PRELID2: variants seen among roughly 807,000 people sequenced by gnomAD.
PRELID2 encodes the protein PRELI domain-containing protein 2.
In PRELID2, 25 loss-of-function variants were observed where a neutral mutation model predicts 28.4. The ratio of observed to expected loss-of-function variants is 0.88; its 90% CI spans 0.64 to 1.23. The LOEUF is 1.23. PRELID2 is among the 50% of genes most tolerant of loss of function. The pLI, the probability that PRELID2 is intolerant of heterozygous loss-of-function variation, is 0.00. For missense variants in PRELID2, 201 were observed against 214.4 expected (o/e 0.94, Z 0.39); for synonymous variants, 76 against 71.6 (o/e 1.06, Z -0.31).
intron 1 of PRELID2, among the ~76,000 whole-genome samples, chr5:145,591,853 A>T (rs1217201331): frequency 6.6e-6 from 1 of 152,188 alleles, no homozygotes; most frequent in African/African-American, 2.4e-5. Context: ...TCTGAAATAA[A>T]AATGAAACTT....
At chr5:145,616,769 G>T (rs1484469909) in intron 1 of PRELID2, among the ~76,000 whole-genome samples, 1 of 152,198 alleles carries the variant, frequency 6.6e-6, no homozygotes, top group East Asian at 1.9e-4. Flanking sequence ...GGCAGGCATT[G>T]TCATTGATAA....
the PRELID2 span, among the ~76,000 whole-genome samples, chr5:145,344,535 T>A: frequency 6.6e-6 from 1 of 152,090 alleles, no homozygotes. Flanking sequence ...TAGTAAATAT[T>A]TTGCCTATAT....
chr5:145,651,973 T>C (rs1754306133), intron 1 of PRELID2, among the ~76,000 whole-genome samples: 1 of 152,172 alleles, frequency 6.6e-6, no homozygotes, highest in Admixed American at 6.5e-5. Flanking sequence ...AGGAGGAAGT[T>C]TGAACCCATC....
At chr5:145,294,845 C>T in the PRELID2 span, among the ~76,000 whole-genome samples, 2 of 152,080 alleles carry the variant, frequency 1.3e-5, no homozygotes, top group African/African-American at 2.4e-5. Flanking sequence ...GGGGATACCA[C>T]TAAACTATAC....
the PRELID2 span, among the ~76,000 whole-genome samples, chr5:145,291,581 GT>G: frequency 6.6e-6 from 1 of 152,092 alleles, no homozygotes; most frequent in Non-Finnish European, 1.5e-5. Flanking sequence ...AAGCCACTTG[GT>G]TTGTGATGCT....
At chr5:145,480,776 T>G (rs889920358) in intron 1 of PRELID2, among the ~76,000 whole-genome samples, 1 of 152,188 alleles carries the variant, frequency 6.6e-6, no homozygotes, top group African/African-American at 2.4e-5. Context: ...AAAATTTGCT[T>G]TCATAAAATT....
chr5:145,513,944 C>T (rs1178055169), intron 1 of PRELID2, among the ~76,000 whole-genome samples: 1 of 152,070 alleles, frequency 6.6e-6, no homozygotes, highest in African/African-American at 2.4e-5. Flanking sequence ...CAGGCAAATG[C>T]TAAGAGATTT....
intron 1 of PRELID2, among the ~76,000 whole-genome samples, chr5:145,595,025 G>A (rs1341009241): frequency 6.6e-6 from 1 of 152,098 alleles, no homozygotes; most frequent in East Asian, 1.9e-4. Context: ...CTACTCAGGT[G>A]GCTGAGGCAG....
At chr5:145,478,382 C>G (rs751776713) in intron 1 of PRELID2, among the ~76,000 whole-genome samples, 7 of 151,952 alleles carry the variant, frequency 4.6e-5, no homozygotes, top group Non-Finnish European at 1.0e-4. Context: ...CCCGTCTCTA[C>G]TAAAAGTACA....
chr5:145,365,833 T>C, the PRELID2 span, among the ~76,000 whole-genome samples: 2 of 151,732 alleles, frequency 1.3e-5, no homozygotes, highest in Non-Finnish European at 2.9e-5. Context: ...CCCCTAAAAA[T>C]CCACAGGGCA....
chr5:145,230,398 C>T, the PRELID2 span, among the ~76,000 whole-genome samples: 16 of 152,016 alleles, frequency 1.1e-4, no homozygotes, highest in Non-Finnish European at 2.1e-4. Context: ...ATGGTAAAAC[C>T]CTGTCTCTAC....
At chr5:145,638,899 T>C (rs1387998120) in intron 1 of PRELID2, among the ~76,000 whole-genome samples, 2 of 152,276 alleles carry the variant, frequency 1.3e-5, no homozygotes, top group Admixed American at 6.5e-5. Context: ...CAATACTTGC[T>C]ACTTCTTGGT....
intron 1 of PRELID2, among the ~76,000 whole-genome samples, chr5:145,526,366 G>T (rs1336662004): frequency 6.6e-5 from 10 of 152,184 alleles, no homozygotes; most frequent in Admixed American, 4.6e-4. Flanking sequence ...GTAGTGAAGG[G>T]CAATTAGGGA....
chr5:145,396,330 T>C, the PRELID2 span, among the ~76,000 whole-genome samples: 1 of 152,094 alleles, frequency 6.6e-6, no homozygotes, highest in East Asian at 1.9e-4. Flanking sequence ...ATGGGATCCT[T>C]GGCAATATTT....
At chr5:145,686,181 T>C (rs544773925) in intron 1 of PRELID2, among the ~76,000 whole-genome samples, 62 of 152,328 alleles carry the variant, frequency 4.1e-4, no homozygotes, top group South Asian at 3.5e-3. Context: ...TGTAGCATCC[T>C]GTGCTCAGCC....
At chr5:145,817,813 A>G in intron 4 of PRELID2, 81 bp downstream of exon 4, 1 of 1,200,174 alleles carries the variant, frequency 8.3e-7, no homozygotes, top group Non-Finnish European at 1.1e-6. Context: ...TCATAAGTAT[A>G]GAACCATAGA....
chr5:145,239,031 A>G, the PRELID2 span, among the ~76,000 whole-genome samples: 2 of 151,956 alleles, frequency 1.3e-5, no homozygotes, highest in Non-Finnish European at 2.9e-5. Context: ...TGAATTTTTC[A>G]GTGACATACA....
the PRELID2 span, among the ~76,000 whole-genome samples, chr5:145,293,104 A>C: frequency 6.6e-6 from 1 of 152,132 alleles, no homozygotes; most frequent in Non-Finnish European, 1.5e-5. Flanking sequence ...ACTATAACTG[A>C]GTAATTGTGC....
chr5:145,718,091 C>T (rs185223949), intron 1 of PRELID2, among the ~76,000 whole-genome samples: 2 of 151,934 alleles, frequency 1.3e-5, no homozygotes, highest in Admixed American at 1.3e-4. Context: ...TTTGTTTCAT[C>T]CAAGAATGCA....
Sources: allele counts gnomAD v4.1 joint callset (sites outside exome capture counted in the v4.1 genomes callset), GRCh38; gene constraint gnomAD v4.1.1; transcripts MANE v1.5; gene names NCBI Gene and HGNC (gene_info 2026-07-23, HGNC 2026-07-21).